Variants in PI4KA observed in about 807,000 individuals in gnomAD.
PI4KA encodes PI4-kinase alpha.
In PI4KA, 122 loss-of-function variants were observed where a neutral mutation model predicts 271.4. That is an observed-to-expected ratio of 0.45 (90% confidence interval 0.39 to 0.52). The LOEUF (loss-of-function observed/expected upper bound fraction) is 0.52. PI4KA is among the 20% of genes least tolerant of loss of function. The probability of loss-of-function intolerance (pLI) is 0.00; values close to 1 mark genes in which losing one functional copy is unlikely to be tolerated. For missense variants in PI4KA, 1,969 were observed against 2,769.1 expected (o/e 0.71, Z 6.48); for synonymous variants, 1,041 against 1,078.8 (o/e 0.96, Z 0.69).
intron 45 of PI4KA, among the ~76,000 whole-genome samples, chr22:20,717,207 A>C (rs1926108297): frequency 6.6e-6 from 1 of 152,180 alleles, no homozygotes; most frequent in South Asian, 2.1e-4. Flanking sequence ...ATGGAGAGAG[A>C]GCTGCCCAGT....
chr22:20,855,640 G>C (rs374179704), intron 1 of PI4KA, among the ~76,000 whole-genome samples: 3 of 152,186 alleles, frequency 2.0e-5, no homozygotes, highest in Non-Finnish European at 4.4e-5. Context: ...TCTCCCTCCT[G>C]TGAGGATATA....
At chr22:20,720,963 G>C (rs151177570) in intron 43 of PI4KA, among the ~76,000 whole-genome samples, 9 of 152,286 alleles carry the variant, frequency 5.9e-5, no homozygotes, top group African/African-American at 2.2e-4. Flanking sequence ...TGCTATTTGG[G>C]AACCGCTGCC....
intron 3 of PI4KA, among the ~76,000 whole-genome samples, chr22:20,824,731 ATCACAC>A (rs748328797): frequency 8.4e-6 from 1 of 119,144 alleles, no homozygotes; most frequent in Non-Finnish European, 1.7e-5. Context: ...AATGTGATAA[ATCACAC>A]ACACACACAC....
Position 20,718,698 on chromosome 22 carries a change from G to A in PI4KA, c.5241C>T (p.Ile1747=). The A allele has an allele frequency of 6.2e-7, 1 of 1,613,390 alleles. No individual in the cohort carries two copies. Among genetic ancestry groups the A allele is most frequent in the Non-Finnish European group, 8.5e-7 (1 of 1,179,874 alleles). Residue 1747 remains isoleucine, a synonymous_variant, in exon 44 of 55, where the codon ATC becomes ATT. Coordinates refer to ENST00000255882, the MANE Select transcript of PI4KA (RefSeq NM_058004.4). ...FFNKITNVSA[I]IKPYPKGDER... is the part of the protein sequence containing the mutation. The stretch of plus-strand genomic sequence containing the variant: ...TTCTGAAGCACTGCACTTACTTGAT[G>A]ATAGCCGACACGTTGGTGATCTTGT...
chr22:20,781,944 A>T (rs1933833162), intron 19 of PI4KA, among the ~76,000 whole-genome samples: 1 of 152,252 alleles, frequency 6.6e-6, no homozygotes, highest in African/African-American at 2.4e-5. Flanking sequence ...ATGGCAATGC[A>T]ACAGAGTGGC....
intron 29 of PI4KA, among the ~76,000 whole-genome samples, chr22:20,745,238 C>T (rs1443873365): frequency 6.6e-6 from 1 of 152,180 alleles, no homozygotes; most frequent in African/African-American, 2.4e-5. Context: ...AAAACTACCG[C>T]CCACCCACTC....
chr22:20,710,578 C>G, intron 52 of PI4KA, 121 bp downstream of exon 52: 3 of 836,938 alleles, frequency 3.6e-6, no homozygotes, highest in Non-Finnish European at 5.8e-6. Context: ...AGGTGTAGGT[C>G]AGCAGGTGGC....
chr22:20,802,068 C>T lies in PI4KA; in HGVS notation c.1629G>A (p.Glu543=). The part of the protein sequence containing the change: ...GNDIKISVTN[E]HSESTLNVMS... ...TGACGTTCAGGGTTGACTCGGAATG[C>T]TCATTGGTCACACTGATTTTTATAT... Residue 543 remains glutamate (E), a synonymous_variant, in exon 14 of 55, where the codon GAG becomes GAA. Coordinates refer to ENST00000255882, the MANE Select transcript of PI4KA (RefSeq NM_058004.4). 4.3e-6 allele frequency: 7 copies of T among 1,614,008 alleles called. No individual in the cohort carries two copies. The highest frequency in any genetic ancestry group is 5.9e-6 in the Non-Finnish European group (7 of 1,179,934).
At chr22:20,759,460 G>A (rs1314389955) in intron 23 of PI4KA, among the ~76,000 whole-genome samples, 1 of 129,528 alleles carries the variant, frequency 7.7e-6, no homozygotes, top group Non-Finnish European at 1.5e-5. Flanking sequence ...ATGGAGTGCT[G>A]AGGCACGATC....
rs370593984 is a variant in PI4KA, at chr22:20,749,057, T to C, written c.3243+848A>G. Among the ~76,000 whole-genome samples, 16 of 152,332 alleles carry C rather than the reference T, an allele frequency of 1.1e-4. No homozygotes were observed. In the South Asian group the frequency reaches 2.9e-3, roughly 28 times the overall value. On this transcript the variant is annotated intron_variant, in intron 28 of 54. Coordinates refer to ENST00000255882, the MANE Select transcript of PI4KA (RefSeq NM_058004.4). The stretch of plus-strand genomic sequence containing the variant: ...GCTTTTTTTGTCCACTTAAACTTTC[T>C]AGGCATTAGAGGGGGCCTCCCCTCT...
chr22:20,742,340 A>C lies in PI4KA; in HGVS notation c.3629T>G (p.Leu1210Arg). 6.2e-7 allele frequency: 1 copy of C among 1,614,086 alleles called. No individual in the cohort carries two copies. The highest frequency in any genetic ancestry group is 8.5e-7 in the Non-Finnish European group (1 of 1,179,958). Residue 1210 changes from leucine to arginine, a missense_variant, in exon 32 of 55, where the codon CTC (leucine) becomes CGC (arginine). Physicochemically the swap from Leu to Arg is moderately radical, Grantham distance 102. Around this residue, in one of 13 missense-constraint regions of PI4KA, gnomAD observed 203 missense variants for 256.8 expected, o/e 0.79. Coordinates refer to ENST00000255882, the MANE Select transcript of PI4KA (RefSeq NM_058004.4). ...GGGACCCCAGCACAGATGATGAAGG[A>C]GCTGCGGGTCACAATCTGGAACCAA... ...LISSKDCDPQ[L>R]LHHLCWGPLR... is the part of the protein sequence containing the mutation.
chr22:20,792,699 C>A (rs951003022), intron 19 of PI4KA, among the ~76,000 whole-genome samples: 1 of 152,198 alleles, frequency 6.6e-6, no homozygotes, highest in South Asian at 2.1e-4. Flanking sequence ...CTCTCCAACA[C>A]GATGGTGCCA....
chr22:20,824,460 T>G lies in PI4KA; in HGVS notation c.368-46A>C, dbSNP rs368996754. 1.2e-5 allele frequency: 16 copies of G among 1,376,048 alleles called. No homozygotes were observed. In the East Asian group the frequency reaches 2.3e-4, roughly 20 times the overall value. The allele number at this position is 1,376,048 out of a possible 1,614,324, so 85.2% of individuals were successfully genotyped here. On this transcript the variant is annotated intron_variant, in intron 3 of 54. Coordinates refer to ENST00000255882, the MANE Select transcript of PI4KA (RefSeq NM_058004.4). Reference sequence around the variant, plus strand: ...AATCAGATAACCAGGAACCAGATACTGGGTCACACCTCTGGCCATCCAATT... The same window carrying G: ...AATCAGATAACCAGGAACCAGATACGGGGTCACACCTCTGGCCATCCAATT...
chr22:20,775,894 CCTGA>C (rs903125242), intron 19 of PI4KA, among the ~76,000 whole-genome samples: 2 of 152,106 alleles, frequency 1.3e-5, no homozygotes, highest in Non-Finnish European at 2.9e-5. Flanking sequence ...TTTCTTTGTT[CCTGA>C]CTTTTAAAAG....
intron 34 of PI4KA, 81 bp from the exon 35 acceptor site, chr22:20,733,924 T>C (rs1321495276): frequency 5.1e-6 from 8 of 1,580,582 alleles, no homozygotes; most frequent in Middle Eastern, 2.3e-4. Context: ...TTCCCTGCCC[T>C]TCCAGGAGCA....
intron 42 of PI4KA, among the ~76,000 whole-genome samples, chr22:20,725,204 C>G (rs1927203598): frequency 6.6e-6 from 1 of 152,176 alleles, no homozygotes; most frequent in African/African-American, 2.4e-5. Context: ...CCAATTCATC[C>G]AGGGAAATGA....
Position 20,751,755 on chromosome 22 carries a change from C to T in PI4KA, c.2988G>A (p.Lys996=). ...ADKYLSGLVD[K]FPHLLWSGTV... ...TCCCGCTCCAGAGCAAGTGGGGAAA[C>T]CTGCACCAAGAGCCAGCTCTCAGGA... The change falls in exon 26 of 55, where the codon AAG becomes AAA. Residue 996 remains lysine (K), a splice_region_variant and synonymous_variant. Coordinates refer to ENST00000255882, the MANE Select transcript of PI4KA (RefSeq NM_058004.4). The T allele has an allele frequency of 1.2e-6, 2 of 1,613,904 alleles. No individual in the cohort carries two copies. The highest frequency in any genetic ancestry group is 1.7e-6 in the Non-Finnish European group (2 of 1,179,794).
In PI4KA at chr22:20,733,048, A is replaced by T; in HGVS notation, c.4211T>A (p.Ile1404Lys). The T allele has an allele frequency of 6.2e-7, 1 of 1,611,756 alleles. No individual in the cohort carries two copies. Among genetic ancestry groups the T allele is most frequent in the Non-Finnish European group, 8.5e-7 (1 of 1,179,690 alleles). The change falls in exon 36 of 55, where the codon ATA becomes AAA. Residue 1404 changes from isoleucine to lysine, a missense_variant. By Grantham distance (102) the Ile-to-Lys change is moderately radical. Transcript: ENST00000255882. ...TQGEKRLRED[I>K]SIMIKFWTAM... is the part of the protein sequence containing the mutation. ...GGTCCAAAATTTAATCATGATGCTT[A>T]TGTCTTCACGCAGCCGCTTCTCTCC... is the stretch of plus-strand genomic sequence containing the variant.
Position 20,729,394 on chromosome 22 carries a change from C to A in PI4KA, c.4601G>T (p.Ser1534Ile), listed in dbSNP as rs200302585. 6.2e-7 allele frequency: 1 copy of A among 1,614,138 alleles called. No individual in the cohort carries two copies. The highest frequency in any genetic ancestry group is 2.2e-5 in the East Asian group (1 of 44,884). ...SVANWRSKYI[S>I]LSEKQWKDNV... ...GTCCTTCCACTGCTTCTCACTCAGG[C>A]TGATGTACTTAGATCTCCAGTTGGC... The change falls in exon 39 of 55, where the codon AGC (serine) becomes ATC (isoleucine). Residue 1534 changes from serine (S) to isoleucine (I), a missense_variant. Ser to Ile is a moderately radical substitution (Grantham distance 142). Transcript: ENST00000255882.
Sources: allele counts gnomAD v4.1 joint callset (sites outside exome capture counted in the v4.1 genomes callset), GRCh38; gene constraint gnomAD v4.1.1; regional missense constraint gnomAD v4.1.1; transcripts MANE v1.5; gene names NCBI Gene and HGNC (gene_info 2026-07-23, HGNC 2026-07-21).